The following STK32B variants were observed in gnomAD, a reference collection of about 807,000 sequenced individuals.
STK32B encodes serine/threonine-protein kinase 32B.
STK32B carries 43 observed loss-of-function variants against 52.6 expected under a neutral mutation model. The observed-to-expected ratio is 0.82, with a 90% confidence interval of 0.64 to 1.05. STK32B has a LOEUF of 1.05. Ranked by LOEUF, STK32B falls within the 50% of genes least tolerant of loss-of-function variation. The pLI is 0.00. For missense variants in STK32B, 621 were observed against 534.6 expected (o/e 1.16, Z -1.59); for synonymous variants, 238 against 204.3 (o/e 1.17, Z -1.41).
At chr4:5,359,994 A>T (rs1312089901) in intron 4 of STK32B, among the ~76,000 whole-genome samples, 1 of 152,238 alleles carries the variant, frequency 6.6e-6, no homozygotes, top group East Asian at 1.9e-4. Context: ...TGCTTTTTAG[A>T]GGATCATTCA....
intron 1 of STK32B, among the ~76,000 whole-genome samples, chr4:5,076,813 T>C (rs1712098173): frequency 6.6e-6 from 1 of 152,214 alleles, no homozygotes; most frequent in South Asian, 2.1e-4. Flanking sequence ...TAGATACTGA[T>C]ATCATAGGAT....
chr4:5,216,298 T>G (rs1292260805), intron 3 of STK32B, among the ~76,000 whole-genome samples: 1 of 152,102 alleles, frequency 6.6e-6, no homozygotes, highest in Non-Finnish European at 1.5e-5. Flanking sequence ...AGATAATCCC[T>G]TTATCTTGGT....
At chr4:5,263,572 A>G (rs1434103635) in intron 3 of STK32B, among the ~76,000 whole-genome samples, 1 of 152,232 alleles carries the variant, frequency 6.6e-6, no homozygotes, top group Non-Finnish European at 1.5e-5. Flanking sequence ...CTGGAAAACC[A>G]TCACACTGGC....
chr4:5,446,583 AGCTC>A, intron 6 of STK32B, 86 bp from the exon 7 acceptor site: 1 of 1,117,794 alleles, frequency 8.9e-7, no homozygotes, highest in Non-Finnish European at 1.3e-6. Context: ...AAAAAAAACA[AGCTC>A]AATTTCTCTC....
At chr4:5,310,967 A>G (rs143399144) in intron 3 of STK32B, among the ~76,000 whole-genome samples, 227 of 152,340 alleles carry the variant, frequency 1.5e-3, no homozygotes, top group African/African-American at 5.0e-3. Context: ...ATTCTCACTC[A>G]TGTTTACACA....
intron 11 of STK32B, among the ~76,000 whole-genome samples, chr4:5,491,873 A>G (rs1464194563): frequency 2.0e-5 from 3 of 152,174 alleles, no homozygotes; most frequent in East Asian, 1.9e-4. Flanking sequence ...AGGTTTGTCA[A>G]AGATCAGATG....
At chr4:5,131,415 C>T (rs1715763659) in intron 1 of STK32B, among the ~76,000 whole-genome samples, 1 of 152,204 alleles carries the variant, frequency 6.6e-6, no homozygotes, top group Non-Finnish European at 1.5e-5. Context: ...TTGAATATTT[C>T]CAAACAGCTT....
rs527427809 is a variant in STK32B at position 5,312,490 on chromosome 4, A to G, written c.261-18730A>G. On this transcript the variant is annotated intron_variant, in intron 3 of 11. Coordinates refer to ENST00000282908, the MANE Select transcript of STK32B (RefSeq NM_018401.3). ...GTGTGATGTTCCCCTTCCTGCGTCC[A>G]TGTGTTCTCATTGTTCAATTCCCAC... Among the ~76,000 whole-genome samples, 84 of 139,934 alleles carry G rather than the reference A, an allele frequency of 6.0e-4. 1 individual carries two copies. The highest frequency in any genetic ancestry group is 2.4e-3 in the Admixed American group (31 of 12,668). The allele number at this position is 139,934 out of a possible 152,430, so 91.8% of individuals were successfully genotyped here. A position where few individuals can be genotyped will look rare whatever the true frequency, so the allele number is the denominator to read the frequency against.
In STK32B at chr4:5,434,233, G is replaced by C. The variant is rs147666353; in HGVS notation, c.563-12440G>C. ...GGCACTGTCAGGGAATGTGAATCAA[G>C]ATCCAGTTTCAAGAGGATTTTATAT... On this transcript the variant is annotated intron_variant, in intron 6 of 11. Transcript: ENST00000282908. 7.0e-3 allele frequency among the ~76,000 whole-genome samples: 1,060 copies of C among 152,250 alleles called. 8 individuals are homozygous for C. Among genetic ancestry groups the C allele is most frequent in the Non-Finnish European group, 9.1e-3 (622 of 68,016 alleles).
chr4:5,322,211 CAT>C (rs1731551673), intron 3 of STK32B, among the ~76,000 whole-genome samples: 1 of 152,094 alleles, frequency 6.6e-6, no homozygotes, highest in Non-Finnish European at 1.5e-5. Context: ...TTATTAAAGA[CAT>C]GTATCAGGCA....
At chr4:5,168,474 T>A (rs1312686864) in intron 3 of STK32B, 24 bp downstream of exon 3, 5 of 1,598,140 alleles carry the variant, frequency 3.1e-6, no homozygotes, top group Non-Finnish European at 4.3e-6. Flanking sequence ...CATCCAGGGC[T>A]CCTGTGGGTT....
chr4:5,368,272 G>A (rs760396569), intron 4 of STK32B, among the ~76,000 whole-genome samples: 1 of 151,240 alleles, frequency 6.6e-6, no homozygotes, highest in African/African-American at 2.4e-5. Flanking sequence ...CTCACACAAC[G>A]TCATGAGTTA....
chr4:5,145,316 C>T (rs889514556), intron 2 of STK32B, among the ~76,000 whole-genome samples: 30 of 152,162 alleles, frequency 2.0e-4, no homozygotes, highest in Admixed American at 1.7e-3. Flanking sequence ...GTACATTTCT[C>T]CTTAAATATT....
At chr4:5,149,963 T>G (rs1263543831) in intron 2 of STK32B, among the ~76,000 whole-genome samples, 2 of 151,972 alleles carry the variant, frequency 1.3e-5, no homozygotes, top group Non-Finnish European at 2.9e-5. Flanking sequence ...TATTTCTCCT[T>G]CTTTCTTGAA....
At chr4:5,406,036 A>G (rs1217308412) in intron 5 of STK32B, among the ~76,000 whole-genome samples, 1 of 152,206 alleles carries the variant, frequency 6.6e-6, no homozygotes, top group African/African-American at 2.4e-5. Context: ...TGTAAAATCA[A>G]AAACAAGTTA....
At chr4:5,287,661 T>C (rs981243207) in intron 3 of STK32B, among the ~76,000 whole-genome samples, 1 of 150,602 alleles carries the variant, frequency 6.6e-6, no homozygotes, top group Admixed American at 6.6e-5. Flanking sequence ...AAATAATACA[T>C]ATGGTATTTT....
intron 3 of STK32B, among the ~76,000 whole-genome samples, chr4:5,178,448 C>G (rs975322501): frequency 6.6e-6 from 1 of 152,212 alleles, no homozygotes; most frequent in African/African-American, 2.4e-5. Context: ...AGGTCTCTGA[C>G]ATGTCCTGGA....
At chr4:5,282,845 A>G (rs565340115) in intron 3 of STK32B, among the ~76,000 whole-genome samples, 2 of 152,266 alleles carry the variant, frequency 1.3e-5, no homozygotes, top group East Asian at 1.9e-4. Flanking sequence ...ACAGCACTCA[A>G]TTTAGAACTT....
intron 3 of STK32B, among the ~76,000 whole-genome samples, chr4:5,224,620 C>T (rs904221942): frequency 6.6e-6 from 1 of 152,174 alleles, no homozygotes; most frequent in Non-Finnish European, 1.5e-5. Context: ...CCCAGGAGAG[C>T]TTGCTAATAG....
Sources: allele counts gnomAD v4.1 joint callset (sites outside exome capture counted in the v4.1 genomes callset), GRCh38; gene constraint gnomAD v4.1.1; transcripts MANE v1.5; gene names NCBI Gene and HGNC (gene_info 2026-07-23, HGNC 2026-07-21).